Variants in TECR observed in about 807,000 individuals in gnomAD.
TECR encodes the protein trans-2,3-enoyl-CoA reductase, also known as very-long-chain enoyl-CoA reductase.
In TECR, 19 loss-of-function variants were observed where a neutral mutation model predicts 50.6. That is an observed-to-expected ratio of 0.38 (90% CI 0.26 to 0.55). The LOEUF (loss-of-function observed/expected upper bound fraction) is 0.55. Among genes scored for constraint, TECR ranks in the 20% least tolerant of loss-of-function variants. TECR has a pLI of 0.79. For synonymous variants in TECR, 168 were observed against 163.5 expected, an observed-to-expected ratio of 1.03 and a Z score of -0.21; for missense variants, 313 against 408.3, an observed-to-expected ratio of 0.77 and a Z score of 2.01.
intron 1 of TECR, among the ~76,000 whole-genome samples, chr19:14,545,414 C>T (rs934592342): frequency 2.0e-5 from 3 of 152,186 alleles, no homozygotes; most frequent in Non-Finnish European, 2.9e-5. Flanking sequence ...CCCTCTGCAC[C>T]GCTGTCTCCT....
At chr19:14,534,437 T>C in intron 1 of TECR, among the ~76,000 whole-genome samples, 1 of 114,928 alleles carries the variant, frequency 8.7e-6, no homozygotes, top group Non-Finnish European at 1.8e-5. Context: ...TTTTTTTTTT[T>C]TTTTTTTTTT....
chr19:14,556,154 C>T (rs1225695866), intron 1 of TECR, among the ~76,000 whole-genome samples: 1 of 152,218 alleles, frequency 6.6e-6, no homozygotes, highest in East Asian at 1.9e-4. Flanking sequence ...CTCTCCCTGA[C>T]TCACTCTGCT....
intron 2 of TECR, among the ~76,000 whole-genome samples, 187 bp downstream of exon 2, chr19:14,562,762 G>T (rs1440540205): frequency 1.3e-5 from 2 of 152,150 alleles, no homozygotes; most frequent in Non-Finnish European, 2.9e-5. Flanking sequence ...GGAGGCACAG[G>T]AGTCTCAGTG....
At chr19:14,551,425 C>T (rs1419510590) in intron 1 of TECR, among the ~76,000 whole-genome samples, 3 of 152,104 alleles carry the variant, frequency 2.0e-5, no homozygotes, top group Non-Finnish European at 4.4e-5. Flanking sequence ...GCACAGGCTG[C>T]AGGAATTCCC....
chr19:14,544,253 C>T (rs1380318917), intron 1 of TECR, among the ~76,000 whole-genome samples: 2 of 151,966 alleles, frequency 1.3e-5, no homozygotes, highest in Non-Finnish European at 2.9e-5. Context: ...TTGAGTTCTC[C>T]ACACAGCACT....
Position 14,563,050 on chromosome 19 carries a change from G to C in TECR, c.67-156G>C. On this transcript the variant is annotated intron_variant, in intron 2 of 12. Coordinates refer to ENST00000215567, the MANE Select transcript of TECR (RefSeq NM_138501.6). This position sits in a 1 kb window ranked among gnomAD's most constrained non-coding sequence, Gnocchi z 5.3. ...CACTGCACTGGCAGGGCCCTCGGTGGTCCTTCCCTGACTGCAGGCAGAGGC... is the reference window on the plus strand; with the variant it reads ...CACTGCACTGGCAGGGCCCTCGGTGCTCCTTCCCTGACTGCAGGCAGAGGC... The C allele has an allele frequency of 1.1e-6, 1 of 899,942 alleles. No homozygotes were observed. The allele number at this position is 899,942 out of a possible 1,614,324, so 55.7% of individuals were successfully genotyped here.
At chr19:14,547,267 C>T (rs2073339121) in intron 1 of TECR, among the ~76,000 whole-genome samples, 1 of 152,080 alleles carries the variant, frequency 6.6e-6, no homozygotes, top group African/African-American at 2.4e-5. Context: ...CGACAGTAGG[C>T]CAGAAATGAC....
intron 1 of TECR, among the ~76,000 whole-genome samples, chr19:14,556,749 C>CAT (rs946467030): frequency 6.6e-6 from 1 of 152,220 alleles, no homozygotes; most frequent in African/African-American, 2.4e-5. Context: ...CCGTCCCTGA[C>CAT]ATCGGCTTTG....
intron 1 of TECR, among the ~76,000 whole-genome samples, chr19:14,537,635 C>A (rs2072948900): frequency 1.3e-5 from 2 of 152,086 alleles, no homozygotes; most frequent in African/African-American, 4.8e-5. Flanking sequence ...CTTGCTGATA[C>A]TGATAGTGGC....
intron 1 of TECR, among the ~76,000 whole-genome samples, chr19:14,542,347 G>GGGTTTTTTTTTTTT (rs2073124658): frequency 4.6e-5 from 2 of 43,282 alleles, no homozygotes; most frequent in African/African-American, 1.6e-4. Flanking sequence ...ATGCCATAGT[G>GGGTTTTTTTTTTTT]TTTTTTTTTT....
intron 1 of TECR, chr19:14,530,145 AC>A (rs2072574087): frequency 4.7e-6 from 1 of 211,604 alleles, no homozygotes; most frequent in African/African-American, 2.3e-5. Context: ...CGACCTTTGG[AC>A]CCCTTCCCTC....
At chr19:14,551,192 G>C (rs1204770048) in intron 1 of TECR, among the ~76,000 whole-genome samples, 4 of 151,450 alleles carry the variant, frequency 2.6e-5, no homozygotes, top group African/African-American at 9.7e-5. Flanking sequence ...CCTGCCTCAG[G>C]CTCCTGAGTA....
At chr19:14,528,332 C>T (rs547373877), upstream of TECR, among the ~76,000 whole-genome samples, 2 of 151,676 alleles carry the variant, frequency 1.3e-5, no homozygotes, top group East Asian at 1.9e-4. Context: ...CTCCGCCTCC[C>T]GGGTTCAAGC....
rs1448918355 is a variant in TECR, at chr19:14,565,235, A to G, written c.698A>G (p.Lys233Arg). 3.1e-6 allele frequency: 5 copies of G among 1,614,026 alleles called. No homozygotes were observed. The highest frequency in any genetic ancestry group is 3.4e-6 in the Non-Finnish European group (4 of 1,180,012). The change falls in exon 11 of 13, where the codon AAG becomes AGG. Residue 233 changes from lysine (K) to arginine (R), a missense_variant. Physicochemically the swap from Lys to Arg is conservative, Grantham distance 26. Coordinates refer to ENST00000215567, the MANE Select transcript of TECR (RefSeq NM_138501.6). ...ACGCGGAAGATCCCATACCCCACCA[A>G]GAACCCCTTCACGTGGCTCTTCCTG... ...SKTRKIPYPT[K>R]NPFTWLFLLV... is the part of the protein sequence containing the mutation.
intron 1 of TECR, among the ~76,000 whole-genome samples, chr19:14,543,504 T>C (rs1332730201): frequency 7.9e-6 from 1 of 126,872 alleles, no homozygotes; most frequent in Non-Finnish European, 1.6e-5. Context: ...AGTGGCGCGA[T>C]CTAGGCTCAC....
At position 14,560,577 on chromosome 19, in the gene TECR, C is replaced by T. The variant is rs145829022; in HGVS notation, c.16-1948C>T. The stretch of plus-strand genomic sequence containing the variant: ...GTGTGACCGAGCTCTTTTTTTCTGG[C>T]CCCTCCATGTGCCAGCTCTTTGGCC... On this transcript the variant is annotated intron_variant, in intron 1 of 12. Transcript: ENST00000215567. Among the ~76,000 whole-genome samples, 654 of 152,288 alleles carry T rather than the reference C, an allele frequency of 4.3e-3. 1 individual carries two copies. The highest frequency in any genetic ancestry group is 7.4e-3 in the Admixed American group (114 of 15,310).
intron 1 of TECR, among the ~76,000 whole-genome samples, chr19:14,556,392 G>A (rs1035430555): frequency 1.4e-5 from 2 of 139,280 alleles, no homozygotes; most frequent in African/African-American, 5.5e-5. Context: ...CAGCCTGGGC[G>A]ACAGCGAGAC....
intron 1 of TECR, among the ~76,000 whole-genome samples, chr19:14,555,769 G>A (rs938552742): frequency 3.3e-5 from 5 of 152,120 alleles, no homozygotes; most frequent in African/African-American, 1.2e-4. Context: ...TACTTTTTGT[G>A]GAGGCAGAGC....
rs767231404 is a variant in TECR at position 14,563,952 on chromosome 19, G to A, written c.268-30G>A. 1.9e-6 allele frequency: 3 copies of A among 1,613,686 alleles called. No homozygotes were observed. Among genetic ancestry groups the A allele is most frequent in the Non-Finnish European group, 1.7e-6 (2 of 1,179,704 alleles). ...CCTCTTTTCCCGTCAGCCACGTTGG[G>A]TGACTCATCTTGCCCCCCTCTACTC... On this transcript the variant is annotated intron_variant, in intron 5 of 12. Coordinates refer to ENST00000215567, the MANE Select transcript of TECR (RefSeq NM_138501.6). The surrounding 1 kb of genome is among the most constrained non-coding windows in gnomAD (Gnocchi z 5.3).
Sources: gnomAD v4.1 joint callset for allele counts (sites outside exome capture counted in the v4.1 genomes callset) on GRCh38, gnomAD v4.1.1 for gene constraint, Gnocchi (gnomAD v3.1) non-coding constraint, MANE v1.5 for transcripts, NCBI Gene and HGNC (gene_info 2026-07-23, HGNC 2026-07-21) for gene names.